AK8: variants seen among roughly 807,000 people sequenced by gnomAD.
AK8 encodes ATP-AMP transphosphorylase 8.
AK8 carries 44 observed loss-of-function variants against 54.6 expected under a neutral mutation model. The ratio of observed to expected loss-of-function variants is 0.81; its 90% CI spans 0.63 to 1.04. The LOEUF is 1.04. AK8 is among the 50% of genes least tolerant of loss of function. AK8 has a pLI of 0.00. For missense variants in AK8, 555 were observed against 613.6 expected, an observed-to-expected ratio of 0.90 and a Z score of 1.01; for synonymous variants, 239 against 245.6, an observed-to-expected ratio of 0.97 and a Z score of 0.25.
intron 11 of AK8, among the ~76,000 whole-genome samples, chr9:132,747,788 C>T (rs1837726053): frequency 1.3e-5 from 2 of 148,738 alleles, no homozygotes; most frequent in Admixed American, 1.4e-4. Context: ...TACAATGAGA[C>T]TGTACTATTT....
intron 5 of AK8, among the ~76,000 whole-genome samples, chr9:132,832,035 C>G (rs905040739): frequency 3.1e-5 from 4 of 129,154 alleles, no homozygotes; most frequent in South Asian, 2.5e-4. Context: ...GCACTCCTGC[C>G]TGGGTGACAC....
chr9:132,761,972 C>G (rs1168222719), intron 11 of AK8, among the ~76,000 whole-genome samples: 1 of 152,062 alleles, frequency 6.6e-6, no homozygotes, highest in African/African-American at 2.4e-5. Context: ...CCAGTTCAAG[C>G]AATTCTTGTG....
At chr9:132,811,740 G>A (rs1052881349) in intron 10 of AK8, among the ~76,000 whole-genome samples, 4 of 152,210 alleles carry the variant, frequency 2.6e-5, no homozygotes, top group Non-Finnish European at 5.9e-5. Context: ...CACTGTTCAT[G>A]GGCATCACTG....
chr9:132,870,274 T>C (rs535543478), intron 2 of AK8, among the ~76,000 whole-genome samples: 25 of 152,366 alleles, frequency 1.6e-4, no homozygotes, highest in African/African-American at 5.8e-4. Flanking sequence ...TTCATTTTCT[T>C]AAAATCTAAC....
intron 11 of AK8, among the ~76,000 whole-genome samples, chr9:132,757,450 G>GC (rs1396939054): frequency 6.6e-6 from 1 of 152,240 alleles, no homozygotes; most frequent in Non-Finnish European, 1.5e-5. Context: ...TCCGGGCTAT[G>GC]CCTGGGGGCC....
intron 2 of AK8, among the ~76,000 whole-genome samples, chr9:132,873,847 A>AT (rs1843966216): frequency 6.6e-6 from 1 of 152,266 alleles, no homozygotes; most frequent in South Asian, 2.1e-4. Flanking sequence ...GGTAGGCTTA[A>AT]CATCCACCCT....
rs1260363117 is a variant in AK8 at position 132,809,598 on chromosome 9, G to C, written c.979+5040C>G. On this transcript the variant is annotated intron_variant, in intron 10 of 12. Transcript: ENST00000298545. ...ACTGGAGTATGGCCATACAATGGGTGGTTTGTCTCCAGGCCTGGCCTCCAA... is the reference window on the plus strand; with the variant it reads ...ACTGGAGTATGGCCATACAATGGGTCGTTTGTCTCCAGGCCTGGCCTCCAA... Among the ~76,000 whole-genome samples, 4 of 152,194 alleles carry C rather than the reference G, an allele frequency of 2.6e-5. No homozygotes were observed. In the East Asian group the frequency reaches 7.7e-4, roughly 29 times the overall value.
intron 10 of AK8, among the ~76,000 whole-genome samples, chr9:132,797,757 G>A (rs1436976699): frequency 6.6e-6 from 1 of 152,092 alleles, no homozygotes; most frequent in African/African-American, 2.4e-5. Flanking sequence ...AGATTGAAAT[G>A]GCCCCTGTGA....
intron 11 of AK8, among the ~76,000 whole-genome samples, chr9:132,741,494 G>A (rs1330705190): frequency 6.6e-6 from 1 of 152,274 alleles, no homozygotes; most frequent in East Asian, 1.9e-4. Flanking sequence ...CAGCTGGGTT[G>A]GTGAACATTT....
chr9:132,786,227 A>AGAGT (rs1373018292), intron 11 of AK8, among the ~76,000 whole-genome samples: 1 of 152,200 alleles, frequency 6.6e-6, no homozygotes, highest in African/African-American at 2.4e-5. Context: ...GTTTCAGAAG[A>AGAGT]GAGTGAGTCC....
chr9:132,849,011 C>T (rs541358749), intron 5 of AK8, among the ~76,000 whole-genome samples: 3 of 149,732 alleles, frequency 2.0e-5, no homozygotes, highest in African/African-American at 5.0e-5. Context: ...TGGGTTCAAG[C>T]GATTCTCCTA....
chr9:132,806,949 T>C (rs1225460848), intron 10 of AK8, among the ~76,000 whole-genome samples: 1 of 152,178 alleles, frequency 6.6e-6, no homozygotes, highest in Non-Finnish European at 1.5e-5. Flanking sequence ...GAGGGACCTT[T>C]CCCAGACAGA....
intron 8 of AK8, among the ~76,000 whole-genome samples, chr9:132,825,190 A>G (rs1841822801): frequency 6.6e-6 from 1 of 152,224 alleles, no homozygotes; most frequent in Non-Finnish European, 1.5e-5. Context: ...ATGATCCCCC[A>G]GACAGTCTCA....
chr9:132,853,932 C>T lies in AK8; in HGVS notation c.402+925G>A, dbSNP rs118028364. Among the ~76,000 whole-genome samples the T allele has an allele frequency of 7.7e-3, 1,161 of 151,444 alleles. 9 individuals carry two copies. Among genetic ancestry groups the T allele is most frequent in the Admixed American group, 0.013 (195 of 15,208 alleles). On this transcript the variant is annotated intron_variant, in intron 5 of 12. Transcript: ENST00000298545. The stretch of plus-strand genomic sequence containing the variant: ...CTGTAAGTGAAACATTTGTAAAATG[C>T]TGAAAGAAAAAAACTGTTAACCTAG...
chr9:132,872,843 G>A (rs1032368576), intron 2 of AK8, among the ~76,000 whole-genome samples: 9 of 151,988 alleles, frequency 5.9e-5, no homozygotes, highest in South Asian at 4.2e-4. Flanking sequence ...ACAGAGTCTC[G>A]CTCTTTCGCC....
intron 10 of AK8, among the ~76,000 whole-genome samples, chr9:132,798,379 C>T (rs145686467): frequency 1.1e-4 from 16 of 152,322 alleles, no homozygotes; most frequent in African/African-American, 3.1e-4. Context: ...CAGCTCAGCA[C>T]AAAGCTGAGA....
At chr9:132,825,814 G>GA (rs1841845997) in intron 8 of AK8, among the ~76,000 whole-genome samples, 1 of 151,984 alleles carries the variant, frequency 6.6e-6, no homozygotes, top group Non-Finnish European at 1.5e-5. Context: ...GAGAATATAT[G>GA]AAAAAAAGGA....
rs1013914673 is a variant in AK8, at chr9:132,826,720, A to G, written c.757+134T>C. The G allele has an allele frequency of 9.6e-6, 10 of 1,042,894 alleles. No homozygotes were observed. The highest frequency in any genetic ancestry group is 1.4e-5 in the Non-Finnish European group (10 of 716,310). The allele number at this position is 1,042,894 out of a possible 1,614,324, so 64.6% of individuals were successfully genotyped here. On this transcript the variant is annotated intron_variant, in intron 8 of 12. Transcript: ENST00000298545. This position sits in a 1 kb window ranked among gnomAD's most constrained non-coding sequence, Gnocchi z 4.5. Reference sequence around the variant, plus strand: ...TCTGGGCAGGGAACCCGGGTCATCTATGTCTTGACTTCCAGGGTCCCAGGC... The same window carrying G: ...TCTGGGCAGGGAACCCGGGTCATCTGTGTCTTGACTTCCAGGGTCCCAGGC...
chr9:132,849,049 C>T (rs1193181838), intron 5 of AK8, among the ~76,000 whole-genome samples: 1 of 151,784 alleles, frequency 6.6e-6, no homozygotes, highest in African/African-American at 2.4e-5. Context: ...GCTGGGACTA[C>T]AGGCGCGTGC....
Sources: gnomAD v4.1 joint callset for allele counts (sites outside exome capture counted in the v4.1 genomes callset) on GRCh38, gnomAD v4.1.1 for gene constraint, Gnocchi (gnomAD v3.1) non-coding constraint, MANE v1.5 for transcripts, NCBI Gene and HGNC (gene_info 2026-07-23, HGNC 2026-07-21) for gene names.